RASGRF1: variants seen among roughly 807,000 people sequenced by gnomAD.
RASGRF1 encodes the protein Ras protein specific guanine nucleotide releasing factor 1.
A neutral mutation model predicts 138.7 loss-of-function variants in RASGRF1; 40 were observed. That is an observed-to-expected ratio of 0.29 (90% CI 0.22 to 0.38). RASGRF1 has a LOEUF of 0.38. Ranked by LOEUF, RASGRF1 falls within the 10% of genes least tolerant of loss-of-function variation. RASGRF1 has a pLI of 1.00. For synonymous variants in RASGRF1, 614 were observed against 663.2 expected (o/e 0.93, Z 1.14); for missense variants, 1,108 against 1,650.4 (o/e 0.67, Z 5.69).
rs767809047 is a variant in RASGRF1, at chr15:78,998,837, C to A, written c.2747-12G>T. On this transcript the variant is annotated splice_polypyrimidine_tract_variant and intron_variant, in intron 17 of 26. Transcript: ENST00000558480. ...GTCTGGGGGAAACCCTGGCAGCATGCGTGGCAGAGGGGAGAGAGGACAGGT... is the reference window on the plus strand; with the variant it reads ...GTCTGGGGGAAACCCTGGCAGCATGAGTGGCAGAGGGGAGAGAGGACAGGT... 2 of 1,597,976 alleles carry A rather than the reference C, an allele frequency of 1.3e-6. No homozygotes were observed. Among genetic ancestry groups the A allele is most frequent in the Non-Finnish European group, 1.7e-6 (2 of 1,165,592 alleles).
Position 79,003,688 on chromosome 15 carries a change from C to G in RASGRF1, c.2449+114G>C, listed in dbSNP as rs1677845800. 5.5e-6 allele frequency: 8 copies of G among 1,462,916 alleles called. No homozygotes were observed. The South Asian group carries it at 1.1e-4, about 20-fold the overall frequency. The allele number at this position is 1,462,916 out of a possible 1,614,324, so 90.6% of individuals were successfully genotyped here. A position where few individuals can be genotyped will look rare whatever the true frequency, so the allele number is the denominator to read the frequency against. ...TCTGCCTGGTGGGACCCCCAAGCCTCTCCCTTCCTTCCCCATGGGAGCAGG... is the reference window on the plus strand; with the variant it reads ...TCTGCCTGGTGGGACCCCCAAGCCTGTCCCTTCCTTCCCCATGGGAGCAGG... On this transcript the variant is annotated intron_variant, in intron 15 of 26. Transcript: ENST00000558480.
intron 5 of RASGRF1, among the ~76,000 whole-genome samples, chr15:79,037,927 C>T (rs565330229): frequency 7.9e-5 from 12 of 151,900 alleles, no homozygotes; most frequent in South Asian, 4.2e-4. Context: ...ATAAGGAGCA[C>T]GCAACTTAGA....
At chr15:78,990,096 C>G (rs1233383131) in intron 22 of RASGRF1, 93 bp downstream of exon 22, 1 of 1,076,040 alleles carries the variant, frequency 9.3e-7, no homozygotes, top group South Asian at 1.3e-5. Context: ...GAGTCTGGTT[C>G]CAGCCAGGTG....
At chr15:78,996,276 G>GT (rs1339178283) in intron 19 of RASGRF1, among the ~76,000 whole-genome samples, 2 of 152,208 alleles carry the variant, frequency 1.3e-5, no homozygotes, top group African/African-American at 4.8e-5. Context: ...GCAGAGGAGA[G>GT]TGGTACACAC....
chr15:79,065,491 G>A (rs1319717567), intron 1 of RASGRF1, among the ~76,000 whole-genome samples: 1 of 152,042 alleles, frequency 6.6e-6, no homozygotes, highest in African/African-American at 2.4e-5. Context: ...CAGGTTTCAG[G>A]TTTGAGCAAC....
At chr15:79,067,332 C>T (rs186855307) in intron 1 of RASGRF1, among the ~76,000 whole-genome samples, 12 of 152,288 alleles carry the variant, frequency 7.9e-5, no homozygotes, top group Admixed American at 2.0e-4. Context: ...TCTACCACGC[C>T]TCAGGCATGG....
chr15:78,996,312 A>C lies in RASGRF1; in HGVS notation c.2967-512T>G, dbSNP rs150024084. On this transcript the variant is annotated intron_variant, in intron 19 of 26. Transcript: ENST00000558480. ...GGTGGGGAATGAGGGTAGAGCCTCA[A>C]AGTCAGGCCAAAGTGCCGCACGCTC... Among the ~76,000 whole-genome samples the C allele has an allele frequency of 9.5e-4, 144 of 152,286 alleles. 1 individual carries two copies. The highest frequency in any genetic ancestry group is 1.8e-3 in the Non-Finnish European group (120 of 68,014).
At chr15:79,025,171 G>T in intron 10 of RASGRF1, 143 bp downstream of exon 10, 1 of 899,754 alleles carries the variant, frequency 1.1e-6, no homozygotes, top group Non-Finnish European at 1.5e-6. Context: ...CAAACTATGG[G>T]TTGTGTGTAT....
intron 16 of RASGRF1, among the ~76,000 whole-genome samples, chr15:79,000,835 A>T (rs2056505699): frequency 6.6e-6 from 1 of 152,208 alleles, no homozygotes; most frequent in Non-Finnish European, 1.5e-5. Context: ...CAGTATGTCC[A>T]GGCAGTTTCT....
intron 1 of RASGRF1, among the ~76,000 whole-genome samples, chr15:79,076,935 C>G (rs2057841392): frequency 1.3e-5 from 2 of 152,176 alleles, no homozygotes; most frequent in Non-Finnish European, 2.9e-5. Flanking sequence ...AGGAGCCCAG[C>G]TTATTAATTG....
At chr15:79,052,564 A>C (rs1361040624) in intron 3 of RASGRF1, among the ~76,000 whole-genome samples, 4 of 152,156 alleles carry the variant, frequency 2.6e-5, no homozygotes, top group Non-Finnish European at 5.9e-5. Context: ...CAGCCTAAGA[A>C]GGAGGTCAGG....
intron 16 of RASGRF1, 91 bp downstream of exon 16, chr15:79,001,571 G>A: frequency 6.9e-7 from 1 of 1,450,828 alleles, no homozygotes; most frequent in Non-Finnish European, 9.4e-7. Context: ...TAAAGCATAA[G>A]GGATGACACC....
At position 78,990,098 on chromosome 15, in the gene RASGRF1, A is replaced by G. The variant is rs79490213; in HGVS notation, c.3216+91T>C. 1.2e-3 allele frequency: 1,297 copies of G among 1,090,310 alleles called. 11 individuals carry two copies. The African/African-American group carries it at 0.018, about 15-fold the overall frequency. The allele number at this position is 1,090,310 out of a possible 1,614,324, so 67.5% of individuals were successfully genotyped here. A position where few individuals can be genotyped will look rare whatever the true frequency, so the allele number is the denominator to read the frequency against. ...GGAGAGGACCCAGGAGTCTGGTTCC[A>G]GCCAGGTGTATAGCCCGTTCTCTAC... is the stretch of plus-strand genomic sequence containing the variant. On this transcript the variant is annotated intron_variant, in intron 22 of 26. Transcript: ENST00000558480.
intron 24 of RASGRF1, among the ~76,000 whole-genome samples, chr15:78,974,022 G>T (rs1258811304): frequency 6.6e-6 from 1 of 152,178 alleles, no homozygotes; most frequent in Non-Finnish European, 1.5e-5. Flanking sequence ...GCAGGGGGTT[G>T]GGTGATAGTT....
intron 26 of RASGRF1, among the ~76,000 whole-genome samples, chr15:78,969,933 G>C (rs772168562): frequency 6.6e-5 from 10 of 152,332 alleles, no homozygotes; most frequent in Middle Eastern, 3.4e-3. Context: ...TTTGTGGAGT[G>C]AGAGAATGAA....
At chr15:79,055,592 A>ACT (rs796615394) in intron 3 of RASGRF1, among the ~76,000 whole-genome samples, 43 of 151,568 alleles carry the variant, frequency 2.8e-4, no homozygotes, top group African/African-American at 8.7e-4. Flanking sequence ...ACACACACAC[A>ACT]CTCTCTCACT....
intron 24 of RASGRF1, among the ~76,000 whole-genome samples, chr15:78,974,029 A>T (rs1023301903): frequency 6.6e-6 from 1 of 152,118 alleles, no homozygotes; most frequent in East Asian, 1.9e-4. Flanking sequence ...GTTGGGTGAT[A>T]GTTTCCATGG....
At chr15:78,996,977 C>A (rs986085791) in intron 19 of RASGRF1, among the ~76,000 whole-genome samples, 1 of 152,218 alleles carries the variant, frequency 6.6e-6, no homozygotes, top group African/African-American at 2.4e-5. Flanking sequence ...CAAGCCCTCA[C>A]ACCTGGGCTG....
chr15:79,003,151 G>A (rs1017374781), intron 15 of RASGRF1, among the ~76,000 whole-genome samples: 11 of 152,214 alleles, frequency 7.2e-5, no homozygotes, highest in African/African-American at 2.4e-4. Flanking sequence ...AGCTGTCCCC[G>A]AAACACACAA....
Sources: gnomAD v4.1 joint callset for allele counts (sites outside exome capture counted in the v4.1 genomes callset) on GRCh38, gnomAD v4.1.1 for gene constraint, MANE v1.5 for transcripts, NCBI Gene and HGNC (gene_info 2026-07-23, HGNC 2026-07-21) for gene names.